Variants in BMP7 observed in about 807,000 individuals in gnomAD.
BMP7 encodes bone morphogenetic protein 7.
BMP7 carries 12 observed loss-of-function variants against 41.2 expected under a neutral mutation model. That is an observed-to-expected ratio of 0.29 (90% confidence interval 0.19 to 0.47). The LOEUF is 0.47. Among genes scored for constraint, BMP7 ranks in the 20% least tolerant of loss-of-function variants. BMP7 has a pLI of 0.99. For missense variants in BMP7, 467 were observed against 606.0 expected (o/e 0.77, Z 2.41); for synonymous variants, 248 against 250.0 (o/e 0.99, Z 0.07).
chr20:57,226,854 TCTCA>T (rs1304412931), intron 2 of BMP7, among the ~76,000 whole-genome samples: 5 of 133,754 alleles, frequency 3.7e-5, no homozygotes, highest in Non-Finnish European at 7.7e-5. Context: ...TGAGAAAGAG[TCTCA>T]CTCTGTCACC....
chr20:57,221,252 A>T (rs1439398136), intron 2 of BMP7, among the ~76,000 whole-genome samples: 1 of 152,128 alleles, frequency 6.6e-6, no homozygotes, highest in African/African-American at 2.4e-5. Context: ...GGGTGGAAAA[A>T]GAGGCGGCTC....
intron 1 of BMP7, among the ~76,000 whole-genome samples, chr20:57,263,696 C>A (rs1484838844): frequency 2.0e-5 from 3 of 152,166 alleles, no homozygotes; most frequent in African/African-American, 7.2e-5. Flanking sequence ...AGAGAAAGGG[C>A]CCTGGCTAAC....
At chr20:57,202,323 T>A (rs945578758) in intron 3 of BMP7, 152 bp downstream of exon 3, 4 of 1,091,156 alleles carry the variant, frequency 3.7e-6, no homozygotes, top group Non-Finnish European at 5.3e-6. Context: ...AAGGGGCTGC[T>A]TCTGGTTTGG....
At chr20:57,189,099 C>G (rs187181444) in intron 3 of BMP7, among the ~76,000 whole-genome samples, 1 of 152,230 alleles carries the variant, frequency 6.6e-6, no homozygotes, top group Admixed American at 6.5e-5. Flanking sequence ...GGGACAACTT[C>G]TTCCAACAGC....
Position 57,170,671 on chromosome 20 carries a change from CT to C in BMP7, c.*287del. 1 of 401,224 alleles carries C rather than the reference CT, an allele frequency of 2.5e-6. No individual in the cohort carries two copies. Among genetic ancestry groups the C allele is most frequent in the East Asian group, 5.9e-5 (1 of 17,006 alleles). 24.9% of individuals were successfully genotyped at this position (401,224 alleles called of 1,614,324 possible). The stretch of plus-strand genomic sequence containing the variant: ...GAAACGAGTCCGTGCATGGCTGAGA[CT>C]TCCCAGCCAATGACCTGGCCCGGCC... On this transcript the variant is annotated 3_prime_UTR_variant, in exon 7 of 7. Coordinates refer to ENST00000395863, the MANE Select transcript of BMP7 (RefSeq NM_001719.3).
At chr20:57,212,251 AAC>A (rs1377263190) in intron 2 of BMP7, among the ~76,000 whole-genome samples, 1 of 152,258 alleles carries the variant, frequency 6.6e-6, no homozygotes, top group African/African-American at 2.4e-5. Context: ...GAGCAGAACT[AAC>A]ACAGCTAAAA....
Position 57,176,792 on chromosome 20 carries a change from C to CACACG in BMP7, c.959-1786_959-1785insCGTGT, listed in dbSNP as rs1568702842. ...CACACACACACACACACACACACAC[C>CACACG]TGTTAACTGTTTGAATGCATGGCTC... On this transcript the variant is annotated intron_variant, in intron 4 of 6. Coordinates refer to ENST00000395863, the MANE Select transcript of BMP7 (RefSeq NM_001719.3). Among the ~76,000 whole-genome samples the CACACG allele has an allele frequency of 1.9e-3, 100 of 52,780 alleles. 2 individuals carry two copies. In the East Asian group the frequency reaches 0.074, roughly 39 times the overall value. The allele number at this position is 52,780 out of a possible 152,430, so 34.6% of individuals were successfully genotyped here.
intron 3 of BMP7, among the ~76,000 whole-genome samples, chr20:57,195,771 G>T (rs1181410663): frequency 1.3e-5 from 2 of 152,234 alleles, no homozygotes; most frequent in African/African-American, 4.8e-5. Flanking sequence ...AATTCAATCT[G>T]GAGTGAGCAT....
At chr20:57,184,216 C>T (rs753299111) in intron 3 of BMP7, among the ~76,000 whole-genome samples, 23 of 152,132 alleles carry the variant, frequency 1.5e-4, no homozygotes, top group Admixed American at 9.8e-4. Context: ...GGCAAGCTAG[C>T]GAACCCCATA....
At chr20:57,200,979 C>A (rs554219079) in intron 3 of BMP7, among the ~76,000 whole-genome samples, 1 of 152,092 alleles carries the variant, frequency 6.6e-6, no homozygotes, top group African/African-American at 2.4e-5. Context: ...ATCATGATGA[C>A]GAGGATGATG....
chr20:57,250,034 G>A (rs181676976), intron 1 of BMP7, among the ~76,000 whole-genome samples: 8 of 152,212 alleles, frequency 5.3e-5, no homozygotes, highest in East Asian at 1.9e-4. Context: ...CCCAAAGCTC[G>A]GCGAGTAATT....
rs1306349874 is a variant in BMP7, at chr20:57,228,893, T to A, written c.419-472A>T. Among the ~76,000 whole-genome samples, 1 of 152,232 alleles carries A rather than the reference T, an allele frequency of 6.6e-6. No individual in the cohort carries two copies. ...TGAATGATCTCATTCACACAAATAGTTTAACATCTGCTAGGGTTGGATAAC... is the reference window on the plus strand; with the variant it reads ...TGAATGATCTCATTCACACAAATAGATTAACATCTGCTAGGGTTGGATAAC... On this transcript the variant is annotated intron_variant, in intron 1 of 6. Transcript: ENST00000395863. The surrounding 1 kb of genome is among the most constrained non-coding windows in gnomAD (Gnocchi z 4.5).
chr20:57,200,038 G>A (rs780969662), intron 3 of BMP7, among the ~76,000 whole-genome samples: 1 of 152,212 alleles, frequency 6.6e-6, no homozygotes, highest in Admixed American at 6.5e-5. Flanking sequence ...CTGAAATATG[G>A]AGCCCCGGCG....
chr20:57,250,976 G>A (rs1029733659), intron 1 of BMP7, among the ~76,000 whole-genome samples: 3 of 152,194 alleles, frequency 2.0e-5, no homozygotes, highest in African/African-American at 7.2e-5. Flanking sequence ...GTGGAGACAC[G>A]GCTTGGGGGC....
intron 1 of BMP7, among the ~76,000 whole-genome samples, chr20:57,242,437 T>G (rs1280014100): frequency 1.3e-5 from 2 of 152,210 alleles, no homozygotes; most frequent in Admixed American, 6.5e-5. Flanking sequence ...CCAGGCTCAC[T>G]GGGCCTCAGT....
intron 1 of BMP7, among the ~76,000 whole-genome samples, chr20:57,237,327 T>C (rs1049803387): frequency 3.3e-5 from 5 of 152,126 alleles, no homozygotes; most frequent in Non-Finnish European, 5.9e-5. Flanking sequence ...TCCCGGAACG[T>C]CCCCGGTACC....
chr20:57,258,752 C>T (rs559431622), intron 1 of BMP7, among the ~76,000 whole-genome samples: 6 of 152,216 alleles, frequency 3.9e-5, no homozygotes, highest in Admixed American at 2.6e-4. Flanking sequence ...AAGAGGGAGG[C>T]GCACACATAT....
At chr20:57,188,074 G>A (rs528667406) in intron 3 of BMP7, among the ~76,000 whole-genome samples, 2 of 152,258 alleles carry the variant, frequency 1.3e-5, no homozygotes, top group South Asian at 2.1e-4. Context: ...TAGTCTTCAC[G>A]TGACCCAACA....
At position 57,213,825 on chromosome 20, in the gene BMP7, T is replaced by C. The variant is rs943169107; in HGVS notation, c.612-11202A>G. On this transcript the variant is annotated intron_variant, in intron 2 of 6. Coordinates refer to ENST00000395863, the MANE Select transcript of BMP7 (RefSeq NM_001719.3). The surrounding 1 kb of genome is among the most constrained non-coding windows in gnomAD (Gnocchi z 4.4). The stretch of plus-strand genomic sequence containing the variant: ...AGTGAAGTAACCCTGAGCAAGTCAG[T>C]CTCTGTCCATCAGGTTCTTTTGTTT... 6.6e-6 allele frequency among the ~76,000 whole-genome samples: 1 copy of C among 152,194 alleles called. No homozygotes were observed. Among genetic ancestry groups the C allele is most frequent in the Non-Finnish European group, 1.5e-5 (1 of 68,024 alleles).
Sources: allele counts gnomAD v4.1 joint callset (sites outside exome capture counted in the v4.1 genomes callset), GRCh38; gene constraint gnomAD v4.1.1; non-coding constraint Gnocchi (gnomAD v3.1); transcripts MANE v1.5; gene names NCBI Gene and HGNC (gene_info 2026-07-23, HGNC 2026-07-21).